WDR87: variants seen among roughly 807,000 people sequenced by gnomAD.
WDR87 encodes WD repeat domain 87, also known as WD repeat-containing protein 87.
Under a neutral mutation model 83.3 loss-of-function variants are expected in WDR87, and 56 were observed. The ratio of observed to expected loss-of-function variants is 0.67; its 90% CI spans 0.54 to 0.84. WDR87 has a LOEUF of 0.84. Among genes scored for constraint, WDR87 ranks in the 40% least tolerant of loss-of-function variants. WDR87 has a pLI of 0.00. For missense variants in WDR87, 2,939 were observed against 3,431.9 expected, an observed-to-expected ratio of 0.86 and a Z score of 3.59; for synonymous variants, 1,173 against 1,250.6, an observed-to-expected ratio of 0.94 and a Z score of 1.31.
At position 37,890,013 on chromosome 19, in the gene WDR87, T is replaced by A. The variant is rs2145424185; in HGVS notation, c.3658A>T (p.Lys1220Ter). The change falls in exon 6 of 6, where the codon AAG becomes TAG. Residue 1220 changes from lysine to a stop codon, truncating the protein, a stop_gained. Coordinates refer to ENST00000447313, the MANE Select transcript of WDR87 (RefSeq NM_001291088.2). LOFTEE classifies it low-confidence loss of function (END_TRUNC). ...TTGAGTTTCTGAGCTGTTGCTTTCT[T>A]GTCTCTTTTGTCACGTATTTTCTGC... ...RLQKIRDKRD[K>*]KATAQKLKKK... The A allele has an allele frequency of 6.4e-7, 1 of 1,551,746 alleles. No individual in the cohort carries two copies. Among genetic ancestry groups the A allele is most frequent in the Middle Eastern group, 1.7e-4 (1 of 5,994 alleles).
rs773216462 is a variant in WDR87 at position 37,893,804 on chromosome 19, C to T, written c.1899G>A (p.Trp633Ter). ...TGCCTATGAGTCTGCCATGGAAGTC[C>T]CAGATCCGAACAGAGCCATCGGCAG... Reference protein sequence around the residue: ...TGSADGSVRIWDFHGRLIGIL... With the variant: ...TGSADGSVRI Residue 633 changes from tryptophan to a stop codon, truncating the protein, a stop_gained, in exon 4 of 6, where the codon TGG (tryptophan) becomes TGA (stop). Coordinates refer to ENST00000447313, the MANE Select transcript of WDR87 (RefSeq NM_001291088.2). LOFTEE classifies it high-confidence loss of function. 1 of 1,551,652 alleles carries T rather than the reference C, an allele frequency of 6.4e-7. No individual in the cohort carries two copies.
Position 37,898,182 on chromosome 19 carries a change from T to G in WDR87, c.58A>C (p.Thr20Pro). Reference sequence around the variant, plus strand: ...TACATTACCTTGCTTTTATTTATGGTGTCATTTAGGAGGAGTTTTAAATCT... The same window carrying G: ...TACATTACCTTGCTTTTATTTATGGGGTCATTTAGGAGGAGTTTTAAATCT... ...WKDLKLLLND[T>P]INKSKQPSED... Residue 20 changes from threonine (T) to proline (P), a missense_variant, in exon 2 of 6, where the codon ACC becomes CCC. By Grantham distance (38) the Thr-to-Pro change is conservative. Transcript: ENST00000447313. 1 of 1,551,704 alleles carries G rather than the reference T, an allele frequency of 6.4e-7. No homozygotes were observed. Among genetic ancestry groups the G allele is most frequent in the Non-Finnish European group, 8.7e-7 (1 of 1,146,976 alleles).
intron 1 of WDR87, among the ~76,000 whole-genome samples, chr19:37,901,748 C>T (rs2046295034): frequency 6.6e-6 from 1 of 151,880 alleles, no homozygotes; most frequent in Admixed American, 6.6e-5. Flanking sequence ...GGGTCTCGCT[C>T]TGTTGCCCGG....
At chr19:37,906,091 AG>A (rs1183099302) in intron 1 of WDR87, among the ~76,000 whole-genome samples, 4 of 152,160 alleles carry the variant, frequency 2.6e-5, no homozygotes, top group Non-Finnish European at 4.4e-5. Context: ...TGAGGCGGAA[AG>A]GGTATTGACT....
At position 37,886,047 on chromosome 19, in the gene WDR87, C is replaced by T. The variant is rs1213686439; in HGVS notation, c.7624G>A (p.Glu2542Lys). Residue 2542 changes from glutamate to lysine, a missense_variant, in exon 6 of 6, where the codon GAG becomes AAG. By Grantham distance (56) the Glu-to-Lys change is moderately conservative (BLOSUM62 1). Coordinates refer to ENST00000447313, the MANE Select transcript of WDR87 (RefSeq NM_001291088.2). ...ATTTGGGAGAGAGGTAACTGTACCT[C>T]AGTCTGTCCCATCAGAGGTGGATGC... Reference protein sequence around the residue: ...LQHPPLMGQTEVQLPLSQIPA... With the variant: ...LQHPPLMGQTKVQLPLSQIPA... The T allele has an allele frequency of 1.3e-6, 2 of 1,551,740 alleles. No homozygotes were observed. The highest frequency in any genetic ancestry group is 1.2e-5 in the South Asian group (1 of 84,064).
At chr19:37,901,324 A>G (rs1045343313) in intron 1 of WDR87, among the ~76,000 whole-genome samples, 17 of 152,104 alleles carry the variant, frequency 1.1e-4, no homozygotes. Flanking sequence ...CCAGCTACTC[A>G]GGAGCCTGAG....
intron 1 of WDR87, among the ~76,000 whole-genome samples, chr19:37,905,448 A>G (rs1360483169): frequency 7.7e-6 from 1 of 129,050 alleles, no homozygotes; most frequent in Non-Finnish European, 1.5e-5. Context: ...TGGGCAACAT[A>G]GCAAGAAAAA....
rs975234445 is a variant in WDR87, at chr19:37,894,217, G to A, written c.1486C>T (p.Arg496Ter). 26 of 1,551,900 alleles carry A rather than the reference G, an allele frequency of 1.7e-5. No individual in the cohort carries two copies. Among genetic ancestry groups the A allele is most frequent in the African/African-American group, 6.8e-5 (5 of 72,994 alleles). Reference sequence around the variant, plus strand: ...CCAAAGTGCATGAATTTTTCTAATCGAGCACAGCTGTGCTGGGAGAGCACT... The same window carrying A: ...CCAAAGTGCATGAATTTTTCTAATCAAGCACAGCTGTGCTGGGAGAGCACT... ...IRVLSQHSCA[R>*]LEKFMHFGAV... The change falls in exon 4 of 6, where the codon CGA becomes TGA. Residue 496 changes from arginine to a stop codon, truncating the protein, a stop_gained. Transcript: ENST00000447313. LOFTEE classifies it high-confidence loss of function.
In WDR87 at chr19:37,891,919, A is replaced by G. The variant is rs750001320; in HGVS notation, c.3126-99T>C. 124 of 1,418,918 alleles carry G rather than the reference A, an allele frequency of 8.7e-5. No homozygotes were observed. In the Middle Eastern group the frequency reaches 1.0e-3, roughly 12 times the overall value. 87.9% of individuals were successfully genotyped at this position (1,418,918 alleles called of 1,614,324 possible). A position where few individuals can be genotyped will look rare whatever the true frequency, so the allele number is the denominator to read the frequency against. ...TGTGGAACAGGCAGGAGGCTTGGCAAAGTGGCCAAGAGAGATGGCATATGC... is the reference window on the plus strand; with the variant it reads ...TGTGGAACAGGCAGGAGGCTTGGCAGAGTGGCCAAGAGAGATGGCATATGC... On this transcript the variant is annotated intron_variant, in intron 4 of 5. Transcript: ENST00000447313.
chr19:37,903,116 T>C (rs2046303026), intron 1 of WDR87, among the ~76,000 whole-genome samples: 1 of 152,220 alleles, frequency 6.6e-6, no homozygotes, highest in Non-Finnish European at 1.5e-5. Context: ...TGCGCCACAC[T>C]GTGAGACAGG....
Position 37,893,090 on chromosome 19 carries a change from TATAGCTCTTA to T in WDR87, c.2603_2612del (p.Val868GlufsTer17). Reference sequence around the variant, plus strand: ...TATTCTTTGGATATTCTGTATTACTTATAGCTCTTACCCTGCTGTGCCAGAAAAAGAATTC... The same window carrying T: ...TATTCTTTGGATATTCTGTATTACTTCCCTGCTGTGCCAGAAAAAGAATTC... On this transcript the variant is annotated frameshift_variant, in exon 4 of 6. Coordinates refer to ENST00000447313, the MANE Select transcript of WDR87 (RefSeq NM_001291088.2). LOFTEE classifies it high-confidence loss of function. The T allele has an allele frequency of 6.4e-7, 1 of 1,551,784 alleles. No homozygotes were observed. Among genetic ancestry groups the T allele is most frequent in the Non-Finnish European group, 8.7e-7 (1 of 1,147,006 alleles).
At position 37,887,835 on chromosome 19, in the gene WDR87, CCTT is replaced by C. The variant is rs868031275; in HGVS notation, c.5833_5835del (p.Lys1945del). ...TTTTTCTCTGTTTCAGCCAGTTTCT[CCTT>C]CTTCTTGATCACAGTCTCCTTTTCC... On this transcript the variant is annotated inframe_deletion, in exon 6 of 6. Coordinates refer to ENST00000447313, the MANE Select transcript of WDR87 (RefSeq NM_001291088.2). The C allele has an allele frequency of 1.4e-5, 21 of 1,550,828 alleles. No individual in the cohort carries two copies. Among genetic ancestry groups the C allele is most frequent in the African/African-American group, 8.2e-5 (6 of 72,866 alleles).
chr19:37,888,160 C>T lies in WDR87; in HGVS notation c.5511G>A (p.Leu1837=). ...KEKMPEEEER[L]GRKREQLIEK... ...CAATCAATTGCTCCCTTTTCCGTCC[C>T]AGTCTTTCCTCTTCCTCAGGCATTT... is the stretch of plus-strand genomic sequence containing the variant. The change falls in exon 6 of 6, where the codon CTG becomes CTA. Residue 1837 remains leucine, a synonymous_variant. Coordinates refer to ENST00000447313, the MANE Select transcript of WDR87 (RefSeq NM_001291088.2). The T allele has an allele frequency of 6.4e-7, 1 of 1,552,154 alleles. No individual in the cohort carries two copies. Among genetic ancestry groups the T allele is most frequent in the Non-Finnish European group, 8.7e-7 (1 of 1,147,124 alleles).
chr19:37,896,154 T>C lies in WDR87; in HGVS notation c.230A>G (p.Asn77Ser). 1 of 1,552,306 alleles carries C rather than the reference T, an allele frequency of 6.4e-7. No homozygotes were observed. The highest frequency in any genetic ancestry group is 1.2e-5 in the South Asian group (1 of 84,058). Residue 77 changes from asparagine (N) to serine (S), a missense_variant, in exon 3 of 6, where the codon AAC (asparagine) becomes AGC (serine). Coordinates refer to ENST00000447313, the MANE Select transcript of WDR87 (RefSeq NM_001291088.2). ...CAGTCTTACTTGTATTTCTTTTGTG[T>C]TTGATGTCACCCAAGAGAGGGAGGC... ...FFASLSWVTS[N>S]TKEIQAVAWM...
At chr19:37,897,411 T>A (rs2046264744) in intron 2 of WDR87, among the ~76,000 whole-genome samples, 2 of 151,646 alleles carry the variant, frequency 1.3e-5, no homozygotes. Context: ...GATTTCACCA[T>A]GTTGCCCAGT....
At position 37,889,161 on chromosome 19, in the gene WDR87, C is replaced by T; in HGVS notation, c.4510G>A (p.Asp1504Asn). 1 of 1,552,344 alleles carries T rather than the reference C, an allele frequency of 6.4e-7. No homozygotes were observed. Among genetic ancestry groups the T allele is most frequent in the Non-Finnish European group, 8.7e-7 (1 of 1,147,138 alleles). The change falls in exon 6 of 6, where the codon GAT becomes AAT. Residue 1504 changes from aspartate to asparagine, a missense_variant. By Grantham distance (23) the Asp-to-Asn change is conservative. This residue lies in a region of WDR87 where 2,160 missense variants were observed against 2,533.1 expected (regional missense o/e 0.85). Coordinates refer to ENST00000447313, the MANE Select transcript of WDR87 (RefSeq NM_001291088.2). ...TCACCATGGACCTGTTTCCACTCAT[C>T]CCAGGCCTTTTTCCAGTCCTGCCAA... ...PSWQDWKKAW[D>N]EWKQVHGETR...
chr19:37,898,305 C>G lies in WDR87; in HGVS notation c.-46-20G>C. ...AAAAACCTGTGGGAATCCAAAAGAG[C>G]CCAGCTTAGTCACTGCCATTTTCCG... is the stretch of plus-strand genomic sequence containing the variant. On this transcript the variant is annotated intron_variant, in intron 1 of 5. Transcript: ENST00000447313. 1 of 1,528,232 alleles carries G rather than the reference C, an allele frequency of 6.5e-7. No individual in the cohort carries two copies. Among genetic ancestry groups the G allele is most frequent in the Non-Finnish European group, 8.8e-7 (1 of 1,137,146 alleles). The allele number at this position is 1,528,232 out of a possible 1,614,324, so 94.7% of individuals were successfully genotyped here.
chr19:37,888,475 C>G lies in WDR87; in HGVS notation c.5196G>C (p.Leu1732Phe). Residue 1732 changes from leucine (L) to phenylalanine (F), a missense_variant, in exon 6 of 6, where the codon TTG (leucine) becomes TTC (phenylalanine). Coordinates refer to ENST00000447313, the MANE Select transcript of WDR87 (RefSeq NM_001291088.2). Reference sequence around the variant, plus strand: ...GGGGCAGTTCTTCCACTTTCTGGGCCAATATGTTTTTCACCTCAGCCAGTT... The same window carrying G: ...GGGGCAGTTCTTCCACTTTCTGGGCGAATATGTTTTTCACCTCAGCCAGTT... Reference protein sequence around the residue: ...GGKLAEVKNILAQKVEELPQR... With the variant: ...GGKLAEVKNIFAQKVEELPQR... The G allele has an allele frequency of 1.9e-6, 3 of 1,551,926 alleles. No individual in the cohort carries two copies. The highest frequency in any genetic ancestry group is 2.6e-6 in the Non-Finnish European group (3 of 1,147,022).
In WDR87 at chr19:37,884,894, T is replaced by A. The variant is rs1204852349; in HGVS notation, c.*38A>T. On this transcript the variant is annotated 3_prime_UTR_variant, in exon 6 of 6. Transcript: ENST00000447313. ...TCCTGGTAATTAGGCCTTTCTCCAG[T>A]TGGCAATGAAAAGTCCCAGCCTCCA... The A allele has an allele frequency of 7.9e-7, 1 of 1,268,638 alleles. No homozygotes were observed. The highest frequency in any genetic ancestry group is 1.0e-6 in the Non-Finnish European group (1 of 999,430). The allele number at this position is 1,268,638 out of a possible 1,614,324, so 78.6% of individuals were successfully genotyped here. A position where few individuals can be genotyped will look rare whatever the true frequency, so the allele number is the denominator to read the frequency against.
Sources: gnomAD v4.1 joint callset for allele counts (sites outside exome capture counted in the v4.1 genomes callset) on GRCh38, gnomAD v4.1.1 for gene constraint, gnomAD v4.1.1 regional missense constraint, MANE v1.5 for transcripts, NCBI Gene and HGNC (gene_info 2026-07-23, HGNC 2026-07-21) for gene names.